Variants in UVRAG observed in about 807,000 individuals in gnomAD.
UVRAG encodes the protein UV radiation resistance-associated gene protein.
Under a neutral mutation model 78.0 loss-of-function variants are expected in UVRAG, and 19 were observed. That is an observed-to-expected ratio of 0.24 (90% confidence interval 0.17 to 0.36). The LOEUF is 0.36. Ranked by LOEUF, UVRAG falls within the 10% of genes least tolerant of loss-of-function variation. UVRAG has a pLI of 1.00. For missense variants in UVRAG, 740 were observed against 853.8 expected (o/e 0.87, Z 1.66); for synonymous variants, 323 against 324.6 (o/e 1.00, Z 0.05).
At chr11:75,993,262 A>G (rs1321931757) in intron 8 of UVRAG, among the ~76,000 whole-genome samples, 1 of 152,100 alleles carries the variant, frequency 6.6e-6, no homozygotes, top group Non-Finnish European at 1.5e-5. Flanking sequence ...CAAAAAGACA[A>G]TTTTTATCCA....
Position 75,984,344 on chromosome 11 carries a change from G to A in UVRAG, c.826+831G>A, listed in dbSNP as rs1242486646. On this transcript the variant is annotated intron_variant, in intron 8 of 14. Coordinates refer to ENST00000356136, the MANE Select transcript of UVRAG (RefSeq NM_003369.4). ...GTCTACAAAGTGCTCATCTGTGTAC[G>A]GTATTCAATGCTGTGTTATAAAATA... is the stretch of plus-strand genomic sequence containing the variant. Among the ~76,000 whole-genome samples, 10 of 152,042 alleles carry A rather than the reference G, an allele frequency of 6.6e-5. No individual in the cohort carries two copies. In the East Asian group the frequency reaches 7.7e-4, roughly 12 times the overall value.
intron 5 of UVRAG, among the ~76,000 whole-genome samples, chr11:75,895,659 T>C (rs951002204): frequency 1.3e-5 from 2 of 149,562 alleles, no homozygotes; most frequent in Admixed American, 1.3e-4. Flanking sequence ...GAAAAAAAAA[T>C]AGAGATGAGG....
chr11:75,906,970 T>C (rs1457666690), intron 5 of UVRAG, among the ~76,000 whole-genome samples: 1 of 152,242 alleles, frequency 6.6e-6, no homozygotes, highest in Non-Finnish European at 1.5e-5. Flanking sequence ...TCTAACTTTG[T>C]TCTCTTCAAT....
At chr11:75,854,459 C>T (rs1490513559) in intron 2 of UVRAG, among the ~76,000 whole-genome samples, 2 of 151,928 alleles carry the variant, frequency 1.3e-5, no homozygotes, top group Non-Finnish European at 2.9e-5. Flanking sequence ...TCTGTTTGCC[C>T]AGGCTGGAGT....
chr11:76,086,406 A>G (rs779679531), intron 13 of UVRAG, among the ~76,000 whole-genome samples: 1 of 152,166 alleles, frequency 6.6e-6, no homozygotes, highest in Non-Finnish European at 1.5e-5. Flanking sequence ...TATTCTTCGT[A>G]TGTTTAAGGA....
intron 12 of UVRAG, among the ~76,000 whole-genome samples, chr11:76,020,360 T>C (rs796879534): frequency 3.9e-5 from 6 of 152,164 alleles, no homozygotes; most frequent in African/African-American, 1.2e-4. Flanking sequence ...AAACAGCACA[T>C]CTCAGAGTCT....
intron 6 of UVRAG, among the ~76,000 whole-genome samples, chr11:75,948,161 T>C (rs1948618045): frequency 1.3e-5 from 2 of 152,178 alleles, no homozygotes; most frequent in African/African-American, 2.4e-5. Context: ...TTTTCTTTTG[T>C]ATAAAGAGCT....
intron 1 of UVRAG, among the ~76,000 whole-genome samples, chr11:75,828,709 A>G (rs11236547): frequency 0.049 from 5,261 of 107,026 alleles, 382 homozygotes; most frequent in African/African-American, 0.18. Flanking sequence ...ATATATATAT[A>G]TGTGTATATA....
At chr11:76,076,802 G>GTATTTATT (rs140240744) in intron 13 of UVRAG, among the ~76,000 whole-genome samples, 8,145 of 147,576 alleles carry the variant, frequency 0.055, 410 homozygotes, top group African/African-American at 0.13. Context: ...AAATTAGGTT[G>GTATTTATT]TATTTATTTA....
chr11:76,104,785 G>T (rs1951942124), intron 13 of UVRAG, among the ~76,000 whole-genome samples: 1 of 152,092 alleles, frequency 6.6e-6, no homozygotes, highest in Admixed American at 6.5e-5. Flanking sequence ...TACGTGGCTG[G>T]GGAGGTACCA....
chr11:75,826,797 G>C (rs1001751609), intron 1 of UVRAG, among the ~76,000 whole-genome samples: 23 of 149,572 alleles, frequency 1.5e-4, no homozygotes, highest in Non-Finnish European at 4.4e-5. Context: ...GTTTTATTCT[G>C]TGTAATATTT....
chr11:76,017,237 A>T (rs1430705259), intron 12 of UVRAG, among the ~76,000 whole-genome samples: 2 of 152,146 alleles, frequency 1.3e-5, no homozygotes, highest in African/African-American at 2.4e-5. Flanking sequence ...CTTTCTTCTT[A>T]CTTTTGTGAG....
chr11:76,041,039 A>C (rs1203605576), intron 12 of UVRAG, among the ~76,000 whole-genome samples: 1 of 152,206 alleles, frequency 6.6e-6, no homozygotes, highest in Non-Finnish European at 1.5e-5. Flanking sequence ...TGTGAGTGAA[A>C]ATTTTAGCAC....
chr11:76,079,904 A>G (rs901485318), intron 13 of UVRAG, among the ~76,000 whole-genome samples: 9 of 152,224 alleles, frequency 5.9e-5, no homozygotes, highest in Admixed American at 3.3e-4. Context: ...TTCTGCTGCT[A>G]TAACAGAATA....
chr11:76,101,385 A>G (rs1321424622), intron 13 of UVRAG, among the ~76,000 whole-genome samples: 1 of 152,018 alleles, frequency 6.6e-6, no homozygotes, highest in East Asian at 1.9e-4. Context: ...GGTTGCATGT[A>G]TACTTTTGAA....
chr11:75,857,565 C>A (rs1946320170), intron 2 of UVRAG, among the ~76,000 whole-genome samples: 2 of 151,330 alleles, frequency 1.3e-5, no homozygotes, highest in Non-Finnish European at 1.5e-5. Context: ...TCTCAGCTCA[C>A]TGCAGCCTCT....
chr11:76,130,148 CT>C (rs34486208), intron 14 of UVRAG, among the ~76,000 whole-genome samples: 1,559 of 152,296 alleles, frequency 0.01, 31 homozygotes, highest in African/African-American at 0.035. Flanking sequence ...GGAAGATACT[CT>C]TCCCCACCAA....
At chr11:76,137,128 T>A (rs1952610218) in intron 14 of UVRAG, 1 of 285,816 alleles carries the variant, frequency 3.5e-6, no homozygotes, top group Non-Finnish European at 7.0e-6. Flanking sequence ...CAGCATATTG[T>A]GCCCAGGACA....
chr11:76,129,636 A>G (rs1360870189), intron 14 of UVRAG, among the ~76,000 whole-genome samples: 7 of 152,208 alleles, frequency 4.6e-5, no homozygotes, highest in Non-Finnish European at 1.0e-4. Context: ...GAAGCCAGGC[A>G]AAAACCTTTG....
Sources: allele counts gnomAD v4.1 joint callset (sites outside exome capture counted in the v4.1 genomes callset), GRCh38; gene constraint gnomAD v4.1.1; transcripts MANE v1.5; gene names NCBI Gene and HGNC (gene_info 2026-07-23, HGNC 2026-07-21).